Variants in IPCEF1 observed in about 807,000 individuals in gnomAD.
IPCEF1 encodes the protein interaction protein for cytohesin exchange factors 1, also known as interactor protein for cytohesin exchange factors 1.
Under a neutral mutation model 50.9 loss-of-function variants are expected in IPCEF1, and 31 were observed. The observed-to-expected ratio is 0.61, with a 90% confidence interval of 0.46 to 0.82. The LOEUF (loss-of-function observed/expected upper bound fraction) is 0.82. Among genes scored for constraint, IPCEF1 ranks in the 40% least tolerant of loss-of-function variants. IPCEF1 has a pLI of 0.00. For missense variants in IPCEF1, 458 were observed against 514.0 expected (o/e 0.89, Z 1.05); for synonymous variants, 181 against 192.0 (o/e 0.94, Z 0.47).
intron 1 of IPCEF1, among the ~76,000 whole-genome samples, chr6:154,344,446 A>G (rs1783984565): frequency 6.6e-6 from 1 of 152,184 alleles, no homozygotes; most frequent in South Asian, 2.1e-4. Flanking sequence ...CACACACATT[A>G]TCTTATAGAA....
intron 10 of IPCEF1, among the ~76,000 whole-genome samples, chr6:154,185,412 A>G (rs953409811): frequency 2.0e-5 from 3 of 152,246 alleles, no homozygotes; most frequent in African/African-American, 7.2e-5. Flanking sequence ...GCAAAAAGTT[A>G]GAGTTTAGAT....
intron 11 of IPCEF1, among the ~76,000 whole-genome samples, chr6:154,163,612 T>C (rs1562517991): frequency 1.3e-5 from 2 of 152,330 alleles, no homozygotes; most frequent in Non-Finnish European, 2.9e-5. Flanking sequence ...CCCAAGTGCC[T>C]GAAAGAATGA....
chr6:154,212,082 C>T (rs1451518479), intron 9 of IPCEF1, among the ~76,000 whole-genome samples: 1 of 152,198 alleles, frequency 6.6e-6, no homozygotes, highest in East Asian at 1.9e-4. Flanking sequence ...CACCTACATA[C>T]ATCCTAGTAC....
At chr6:154,247,407 G>T in intron 4 of IPCEF1, 42 bp downstream of exon 4, 1 of 1,550,922 alleles carries the variant, frequency 6.4e-7, no homozygotes, top group African/African-American at 1.4e-5. Context: ...CACACTCAAC[G>T]TACACAAAAT....
At chr6:154,278,229 C>G (rs962889258) in intron 2 of IPCEF1, among the ~76,000 whole-genome samples, 1 of 151,790 alleles carries the variant, frequency 6.6e-6, no homozygotes, top group Non-Finnish European at 1.5e-5. Flanking sequence ...ATTTCTATGA[C>G]CTCACAGGCA....
At chr6:154,171,410 G>C (rs1799859104) in intron 10 of IPCEF1, among the ~76,000 whole-genome samples, 2 of 152,104 alleles carry the variant, frequency 1.3e-5, no homozygotes, top group Admixed American at 1.3e-4. Flanking sequence ...GAAATGTCCA[G>C]ATTAGATGAA....
Position 154,168,627 on chromosome 6 carries a change from C to T in IPCEF1, c.911-514G>A, listed in dbSNP as rs9478511. Among the ~76,000 whole-genome samples the T allele has an allele frequency of 0.083, 12,612 of 151,736 alleles. 735 individuals are homozygous for T. Among genetic ancestry groups the T allele is most frequent in the African/African-American group, 0.16 (6,517 of 41,348 alleles). On this transcript the variant is annotated intron_variant, in intron 10 of 11. Coordinates refer to ENST00000367220, the MANE Select transcript of IPCEF1 (RefSeq NM_001130700.2). This position sits in a 1 kb window ranked among gnomAD's most constrained non-coding sequence, Gnocchi z 4.1. ...AATTTTATTATTATTTTTTTTGAGA[C>T]GGAGTTTTACTGCTGTTGCCCAGGC...
At chr6:154,353,712 C>T (rs1474677945) in intron 1 of IPCEF1, among the ~76,000 whole-genome samples, 2 of 152,224 alleles carry the variant, frequency 1.3e-5, no homozygotes, top group Non-Finnish European at 2.9e-5. Context: ...GAACCACGAG[C>T]TATAAGCCCA....
chr6:154,288,567 G>T (rs1782424199), intron 2 of IPCEF1, among the ~76,000 whole-genome samples: 1 of 151,350 alleles, frequency 6.6e-6, no homozygotes, highest in Non-Finnish European at 1.5e-5. Context: ...GGAGCCTGAG[G>T]CAGGGGAATC....
chr6:154,283,723 G>T (rs1427268124), intron 2 of IPCEF1, among the ~76,000 whole-genome samples: 1 of 152,226 alleles, frequency 6.6e-6, no homozygotes, highest in Non-Finnish European at 1.5e-5. Flanking sequence ...AACATTGTTA[G>T]ATTTCTCATG....
chr6:154,253,620 T>G (rs922393000), intron 3 of IPCEF1, among the ~76,000 whole-genome samples: 2 of 152,236 alleles, frequency 1.3e-5, no homozygotes, highest in African/African-American at 4.8e-5. Context: ...TATGCAGGTG[T>G]CTTTCTGGGC....
chr6:154,246,533 G>A (rs1781060019), intron 5 of IPCEF1, 58 bp downstream of exon 5: 3 of 1,526,800 alleles, frequency 2.0e-6, no homozygotes, highest in East Asian at 2.3e-5. Flanking sequence ...ATCACCTGAT[G>A]CCTTTAACGT....
intron 5 of IPCEF1, among the ~76,000 whole-genome samples, chr6:154,240,376 T>A (rs748656070): frequency 1.2e-4 from 19 of 152,188 alleles, no homozygotes; most frequent in Non-Finnish European, 2.4e-4. Flanking sequence ...ATTCATAAAT[T>A]CCTATAAAAT....
At chr6:154,343,346 G>A (rs1447332311) in intron 1 of IPCEF1, among the ~76,000 whole-genome samples, 2 of 152,134 alleles carry the variant, frequency 1.3e-5, no homozygotes, top group African/African-American at 4.8e-5. Context: ...AGAAAAAGAA[G>A]AAATTTCCTT....
intron 2 of IPCEF1, among the ~76,000 whole-genome samples, chr6:154,268,028 C>A (rs982713104): frequency 1.3e-5 from 2 of 152,230 alleles, no homozygotes; most frequent in Non-Finnish European, 2.9e-5. Flanking sequence ...GTGGGACTGG[C>A]AGCCTGGTCC....
intron 9 of IPCEF1, among the ~76,000 whole-genome samples, chr6:154,212,342 T>A (rs891638658): frequency 6.6e-6 from 1 of 152,254 alleles, no homozygotes; most frequent in African/African-American, 2.4e-5. Context: ...GACTTCCTGC[T>A]CTCTTTCTGG....
chr6:154,266,680 A>G (rs1039547937), intron 2 of IPCEF1, among the ~76,000 whole-genome samples: 1 of 151,596 alleles, frequency 6.6e-6, no homozygotes, highest in Non-Finnish European at 1.5e-5. Flanking sequence ...GCCCATCACT[A>G]TTATCCAACT....
At chr6:154,312,004 C>G (rs1372089370) in intron 1 of IPCEF1, among the ~76,000 whole-genome samples, 1 of 149,672 alleles carries the variant, frequency 6.7e-6, no homozygotes, top group African/African-American at 2.6e-5. Context: ...AAAGAGATGT[C>G]TATACCCCCA....
intron 2 of IPCEF1, among the ~76,000 whole-genome samples, chr6:154,279,133 A>T (rs1183636839): frequency 6.6e-6 from 1 of 151,968 alleles, no homozygotes; most frequent in African/African-American, 2.4e-5. Flanking sequence ...AAAATAAAAA[A>T]AAAAAAAAGT....
Sources: allele counts gnomAD v4.1 joint callset (sites outside exome capture counted in the v4.1 genomes callset), GRCh38; gene constraint gnomAD v4.1.1; non-coding constraint Gnocchi (gnomAD v3.1); transcripts MANE v1.5; gene names NCBI Gene and HGNC (gene_info 2026-07-23, HGNC 2026-07-21).